The following OXR1 variants were observed in gnomAD, a reference collection of about 807,000 sequenced individuals.
OXR1 encodes oxidation resistance protein 1.
Under a neutral mutation model 104.6 loss-of-function variants are expected in OXR1, and 41 were observed. The observed-to-expected ratio is 0.39, with a 90% confidence interval of 0.31 to 0.51. OXR1 has a LOEUF of 0.51. OXR1 is among the 20% of genes least tolerant of loss of function. The pLI is 0.77. For missense variants in OXR1, 955 were observed against 1,031.9 expected, an observed-to-expected ratio of 0.93 and a Z score of 1.02; for synonymous variants, 348 against 348.4, an observed-to-expected ratio of 1.00 and a Z score of 0.01.
At chr8:106,608,755 A>G (rs1196004033) in intron 3 of OXR1, among the ~76,000 whole-genome samples, 2 of 152,204 alleles carry the variant, frequency 1.3e-5, no homozygotes, top group Non-Finnish European at 2.9e-5. Flanking sequence ...AGGAAACAGA[A>G]ACCAGTTTAG....
Position 106,745,936 on chromosome 8 carries a change from A to G in OXR1, c.2486+74A>G, listed in dbSNP as rs1447162274. The G allele has an allele frequency of 1.7e-5, 14 of 815,016 alleles. No homozygotes were observed. The South Asian group carries it at 2.1e-4, about 12-fold the overall frequency. The allele number at this position is 815,016 out of a possible 1,614,324, so 50.5% of individuals were successfully genotyped here. The stretch of plus-strand genomic sequence containing the variant: ...ATGCATTTGGATTATTTATAAATTC[A>G]GTTGTCTTTAGAAAGTGTTGACGTT... On this transcript the variant is annotated intron_variant, in intron 16 of 16. Coordinates refer to ENST00000517566, the MANE Select transcript of OXR1 (RefSeq NM_001198533.2).
At chr8:106,336,599 T>C (rs756207441) in intron 1 of OXR1, among the ~76,000 whole-genome samples, 59 of 152,350 alleles carry the variant, frequency 3.9e-4, no homozygotes, top group Middle Eastern at 6.8e-3. Flanking sequence ...TACCCGTCTT[T>C]AACTAACATC....
rs1430847290 is a variant in OXR1, at chr8:106,405,158, A to G, written c.23+45522A>G. On this transcript the variant is annotated intron_variant, in intron 2 of 16. Coordinates refer to ENST00000517566, the MANE Select transcript of OXR1 (RefSeq NM_001198533.2). ...AGAAACCACATATATATATATATAT[A>G]TATATATATATATATATATATATAT... 2.5e-3 allele frequency among the ~76,000 whole-genome samples: 104 copies of G among 42,364 alleles called. 6 individuals carry two copies. The highest frequency in any genetic ancestry group is 0.016 in the African/African-American group (98 of 6,074). 27.8% of individuals were successfully genotyped at this position (42,364 alleles called of 152,430 possible). A position where few individuals can be genotyped will look rare whatever the true frequency, so the allele number is the denominator to read the frequency against.
intron 1 of OXR1, among the ~76,000 whole-genome samples, chr8:106,274,270 CA>C (rs1258528409): frequency 6.6e-6 from 1 of 152,174 alleles, no homozygotes; most frequent in African/African-American, 2.4e-5. Flanking sequence ...ACCTTACACT[CA>C]TAAATGTAAT....
intron 11 of OXR1, among the ~76,000 whole-genome samples, chr8:106,728,955 G>A (rs73699998): frequency 0.016 from 2,456 of 152,224 alleles, 35 homozygotes; most frequent in Admixed American, 0.047. Flanking sequence ...TGAAAACACA[G>A]GAGAAAAGTT....
Position 106,288,518 on chromosome 8 carries a change from A to G in OXR1, c.-139+18151A>G, listed in dbSNP as rs142291017. 1.7e-3 allele frequency among the ~76,000 whole-genome samples: 190 copies of G among 110,112 alleles called. 3 individuals carry two copies. The East Asian group carries it at 0.036, about 21-fold the overall frequency. The allele number at this position is 110,112 out of a possible 152,430, so 72.2% of individuals were successfully genotyped here. A position where few individuals can be genotyped will look rare whatever the true frequency, so the allele number is the denominator to read the frequency against. ...CTTGACAACCTAAATATGTGTGTGT[A>G]TATATATATGTATGTGTGTGTGTGT... is the stretch of plus-strand genomic sequence containing the variant. On this transcript the variant is annotated intron_variant, in intron 1 of 16. Transcript: ENST00000517566.
At chr8:106,456,219 G>A (rs1427909297) in intron 2 of OXR1, among the ~76,000 whole-genome samples, 1 of 152,130 alleles carries the variant, frequency 6.6e-6, no homozygotes, top group Non-Finnish European at 1.5e-5. Flanking sequence ...TGAAGATATA[G>A]CTGGGAACAG....
intron 3 of OXR1, among the ~76,000 whole-genome samples, chr8:106,622,524 C>G (rs13277874): frequency 0.045 from 6,816 of 152,006 alleles, 188 homozygotes; most frequent in South Asian, 0.077. Context: ...TTACTCCACT[C>G]CGACTTCACT....
intron 2 of OXR1, among the ~76,000 whole-genome samples, chr8:106,410,048 A>T (rs1818401834): frequency 6.6e-6 from 1 of 152,018 alleles, no homozygotes; most frequent in Non-Finnish European, 1.5e-5. Flanking sequence ...TACCAACAAA[A>T]TCTCAATCTG....
rs571905344 is a variant in OXR1, at chr8:106,288,603, T to A, written c.-139+18236T>A. Among the ~76,000 whole-genome samples the A allele has an allele frequency of 3.9e-3, 575 of 148,502 alleles. 4 individuals are homozygous for A. The highest frequency in any genetic ancestry group is 8.2e-3 in the Admixed American group (121 of 14,764). On this transcript the variant is annotated intron_variant, in intron 1 of 16. Transcript: ENST00000517566. Reference sequence around the variant, plus strand: ...ATGTATATACACACCATATATATACTCTCTATATATTTATATACACATACA... The same window carrying A: ...ATGTATATACACACCATATATATACACTCTATATATTTATATACACATACA...
chr8:106,591,660 C>T (rs747135650), intron 3 of OXR1, among the ~76,000 whole-genome samples: 2 of 152,132 alleles, frequency 1.3e-5, no homozygotes, highest in Non-Finnish European at 2.9e-5. Flanking sequence ...AGCTGGGAAT[C>T]ATAAATATTG....
At chr8:106,587,374 A>G (rs549175248) in intron 3 of OXR1, among the ~76,000 whole-genome samples, 6 of 152,306 alleles carry the variant, frequency 3.9e-5, no homozygotes, top group African/African-American at 1.4e-4. Context: ...GCGTGAAATT[A>G]TCCTCTAGGA....
chr8:106,353,211 G>A (rs1444191932), intron 1 of OXR1, among the ~76,000 whole-genome samples: 1 of 152,094 alleles, frequency 6.6e-6, no homozygotes, highest in Non-Finnish European at 1.5e-5. Flanking sequence ...TTAGCCAGGT[G>A]TGGTGGCGCA....
chr8:106,724,684 C>G (rs1833161051), intron 11 of OXR1, among the ~76,000 whole-genome samples: 1 of 152,098 alleles, frequency 6.6e-6, no homozygotes, highest in Non-Finnish European at 1.5e-5. Context: ...AACTTGAAAG[C>G]CACTGATTTA....
chr8:106,404,954 G>A (rs184281768), intron 2 of OXR1, among the ~76,000 whole-genome samples: 119 of 151,842 alleles, frequency 7.8e-4, no homozygotes, highest in African/African-American at 2.7e-3. Context: ...ATCCACCCGC[G>A]TCAGCCTCCC....
intron 2 of OXR1, among the ~76,000 whole-genome samples, chr8:106,393,306 A>G (rs1378150159): frequency 1.3e-5 from 2 of 152,224 alleles, no homozygotes; most frequent in Non-Finnish European, 2.9e-5. Context: ...GTCATAAACC[A>G]TGTGAGATAG....
chr8:106,333,109 G>A (rs944080935), intron 1 of OXR1, among the ~76,000 whole-genome samples: 1 of 152,014 alleles, frequency 6.6e-6, no homozygotes, highest in Non-Finnish European at 1.5e-5. Flanking sequence ...CAACATTCAT[G>A]TATAAGTTTT....
chr8:106,364,288 A>AT (rs889220594), intron 2 of OXR1, among the ~76,000 whole-genome samples: 24 of 152,188 alleles, frequency 1.6e-4, no homozygotes, highest in African/African-American at 4.8e-4. Flanking sequence ...AAAAATAATG[A>AT]TTTTTTTTAG....
At chr8:106,677,650 C>G (rs1234629267) in intron 3 of OXR1, among the ~76,000 whole-genome samples, 1 of 152,032 alleles carries the variant, frequency 6.6e-6, no homozygotes, top group African/African-American at 2.4e-5. Flanking sequence ...TGTGAATTGT[C>G]TGATTATATC....
Sources: gnomAD v4.1 joint callset for allele counts (sites outside exome capture counted in the v4.1 genomes callset) on GRCh38, gnomAD v4.1.1 for gene constraint, MANE v1.5 for transcripts, NCBI Gene and HGNC (gene_info 2026-07-23, HGNC 2026-07-21) for gene names.